NOL4L: variants seen among roughly 807,000 people sequenced by gnomAD.
NOL4L encodes nucleolar protein 4 like.
Under a neutral mutation model 64.5 loss-of-function variants are expected in NOL4L, and 7 were observed. That is an observed-to-expected ratio of 0.11 (90% confidence interval 0.06 to 0.20). The LOEUF (loss-of-function observed/expected upper bound fraction) is 0.20. Among genes scored for constraint, NOL4L ranks in the 10% least tolerant of loss-of-function variants. The probability of loss-of-function intolerance (pLI) is 1.00; values close to 1 mark genes in which losing one functional copy is unlikely to be tolerated. For synonymous variants in NOL4L, 413 were observed against 401.0 expected (o/e 1.03, Z -0.36); for missense variants, 680 against 967.1 (o/e 0.70, Z 3.94).
At position 32,447,111 on chromosome 20, in the gene NOL4L, A is replaced by C. The variant is rs1289943421; in HGVS notation, c.*485T>G. 2.4e-6 allele frequency: 1 copy of C among 410,010 alleles called. No individual in the cohort carries two copies. Among genetic ancestry groups the C allele is most frequent in the African/African-American group, 2.1e-5 (1 of 48,642 alleles). 25.4% of individuals were successfully genotyped at this position (410,010 alleles called of 1,614,324 possible). On this transcript the variant is annotated 3_prime_UTR_variant, in exon 11 of 11. Transcript: ENST00000621426. ...TGGGGATACATCCTTCTGATCAGAC[A>C]GACACAGACTAGCAATCTGTACAAA... is the stretch of plus-strand genomic sequence containing the variant.
At chr20:32,528,714 G>C (rs2018234374) in intron 1 of NOL4L, among the ~76,000 whole-genome samples, 1 of 152,362 alleles carries the variant, frequency 6.6e-6, no homozygotes, top group South Asian at 2.1e-4. Flanking sequence ...GAGGCTGGGG[G>C]TGAGGCCAGG....
chr20:32,474,297 C>T (rs2015232879), intron 5 of NOL4L, among the ~76,000 whole-genome samples: 1 of 152,264 alleles, frequency 6.6e-6, no homozygotes, highest in Non-Finnish European at 1.5e-5. Flanking sequence ...CCCCTGGTAA[C>T]TCTGAAACCC....
chr20:32,526,921 T>C (rs2018153497), intron 2 of NOL4L, among the ~76,000 whole-genome samples: 2 of 152,164 alleles, frequency 1.3e-5, no homozygotes, highest in Non-Finnish European at 2.9e-5. Context: ...AGGAGATGGA[T>C]CAGAACACAG....
chr20:32,536,894 G>T (rs974134195), intron 1 of NOL4L, among the ~76,000 whole-genome samples: 1 of 148,572 alleles, frequency 6.7e-6, no homozygotes, highest in African/African-American at 2.5e-5. Context: ...GGGCCAGGGC[G>T]GCTGGCCTCC....
At chr20:32,482,286 G>A (rs1362075942) in intron 4 of NOL4L, among the ~76,000 whole-genome samples, 2 of 151,960 alleles carry the variant, frequency 1.3e-5, no homozygotes, top group African/African-American at 2.4e-5. Flanking sequence ...GAATGGGGAG[G>A]AGGGGGTGGG....
Position 32,517,750 on chromosome 20 carries a change from G to A in NOL4L, c.589+3061C>T, listed in dbSNP as rs185866998. Among the ~76,000 whole-genome samples the A allele has an allele frequency of 2.2e-4, 34 of 152,344 alleles. No homozygotes were observed. The East Asian group carries it at 3.5e-3, about 16-fold the overall frequency. ...GTCTGGGCACCGTAGGCCACGACACGGGCTGGAGGCAGGAGGCAGGGTGAT... is the reference window on the plus strand; with the variant it reads ...GTCTGGGCACCGTAGGCCACGACACAGGCTGGAGGCAGGAGGCAGGGTGAT... On this transcript the variant is annotated intron_variant, in intron 3 of 10. Transcript: ENST00000621426.
chr20:32,521,967 G>T (rs771420445), intron 2 of NOL4L, among the ~76,000 whole-genome samples: 4 of 152,272 alleles, frequency 2.6e-5, no homozygotes, highest in Non-Finnish European at 4.4e-5. Context: ...AGGGTGAGGG[G>T]CTGCTCTGCG....
At position 32,562,819 on chromosome 20, in the gene NOL4L, C is replaced by G. The variant is rs560084672; in HGVS notation, c.321+21751G>C. 1.5e-3 allele frequency among the ~76,000 whole-genome samples: 219 copies of G among 150,822 alleles called. 1 individual carries two copies. Among genetic ancestry groups the G allele is most frequent in the African/African-American group, 5.2e-3 (212 of 40,954 alleles). ...CAGGAGGGGCCTTTCCCTGATCACCCCAAGCCACAGGCTGACAGCCCTTCC... is the reference window on the plus strand; with the variant it reads ...CAGGAGGGGCCTTTCCCTGATCACCGCAAGCCACAGGCTGACAGCCCTTCC... On this transcript the variant is annotated intron_variant, in intron 1 of 10. Coordinates refer to ENST00000621426, the MANE Select transcript of NOL4L (RefSeq NM_001256798.2).
At chr20:32,529,609 C>T (rs1051175368) in intron 1 of NOL4L, among the ~76,000 whole-genome samples, 2 of 152,190 alleles carry the variant, frequency 1.3e-5, no homozygotes, top group African/African-American at 4.8e-5. Flanking sequence ...CACCAGCAGC[C>T]CATTCAAGAG....
At chr20:32,513,604 T>C (rs1322988608) in intron 3 of NOL4L, among the ~76,000 whole-genome samples, 1 of 152,206 alleles carries the variant, frequency 6.6e-6, no homozygotes, top group Non-Finnish European at 1.5e-5. Context: ...GGCTCACGCA[T>C]GTAATCCCAG....
intron 2 of NOL4L, among the ~76,000 whole-genome samples, chr20:32,522,980 T>A (rs2017998017): frequency 6.6e-6 from 1 of 151,918 alleles, no homozygotes; most frequent in Admixed American, 6.6e-5. Context: ...GCTCAGGGGG[T>A]CCTCCTGGCC....
chr20:32,476,324 A>G (rs1032449465), intron 4 of NOL4L, among the ~76,000 whole-genome samples: 5 of 151,734 alleles, frequency 3.3e-5, no homozygotes, highest in Non-Finnish European at 7.4e-5. Context: ...GGGGAGGGGG[A>G]AGAGAGGCTG....
Position 32,487,937 on chromosome 20 carries a change from T to TA in NOL4L, c.700-13196_700-13195insT, listed in dbSNP as rs1555796300. On this transcript the variant is annotated intron_variant, in intron 4 of 10. Coordinates refer to ENST00000621426, the MANE Select transcript of NOL4L (RefSeq NM_001256798.2). ...ACAGTTTTTGTTTGTTGGTTTTATT[T>TA]TTTTTTTTTTTTGACCAAATCTTGC... 7.6e-3 allele frequency among the ~76,000 whole-genome samples: 991 copies of TA among 129,764 alleles called. 11 individuals are homozygous for TA. The highest frequency in any genetic ancestry group is 0.024 in the African/African-American group (647 of 27,094). The allele number at this position is 129,764 out of a possible 152,430, so 85.1% of individuals were successfully genotyped here. A position where few individuals can be genotyped will look rare whatever the true frequency, so the allele number is the denominator to read the frequency against.
At chr20:32,535,743 G>T in intron 1 of NOL4L, 1 of 985,492 alleles carries the variant, frequency 1.0e-6, no homozygotes, top group African/African-American at 1.7e-5. Context: ...ACTCTGGGAT[G>T]TCTGGAATGG....
chr20:32,554,147 C>T (rs1003677831), intron 1 of NOL4L, among the ~76,000 whole-genome samples: 22 of 151,850 alleles, frequency 1.4e-4, no homozygotes, highest in East Asian at 5.8e-4. Flanking sequence ...GGTGAAACCC[C>T]GTCTCTACTA....
chr20:32,502,560 G>C (rs1039878318), intron 4 of NOL4L, among the ~76,000 whole-genome samples: 4 of 150,934 alleles, frequency 2.7e-5, no homozygotes, highest in African/African-American at 7.3e-5. Context: ...CTACACTCCA[G>C]CCTAGGTGAC....
intron 1 of NOL4L, among the ~76,000 whole-genome samples, chr20:32,571,262 A>C (rs1278235290): frequency 6.6e-6 from 1 of 152,166 alleles, no homozygotes; most frequent in African/African-American, 2.4e-5. Flanking sequence ...ATCTTGGCTC[A>C]TTGCAACCTC....
intron 1 of NOL4L, among the ~76,000 whole-genome samples, chr20:32,583,050 CT>C (rs1980586063): frequency 6.6e-6 from 1 of 152,184 alleles, no homozygotes; most frequent in African/African-American, 2.4e-5. Flanking sequence ...CAGCTTCCCC[CT>C]CGGGGAGCCC....
intron 1 of NOL4L, among the ~76,000 whole-genome samples, chr20:32,540,577 T>C (rs2018637219): frequency 1.3e-5 from 2 of 152,114 alleles, no homozygotes; most frequent in Admixed American, 1.3e-4. Context: ...CAAATCCTTT[T>C]TGAGGGTCTT....
Sources: gnomAD v4.1 joint callset for allele counts (sites outside exome capture counted in the v4.1 genomes callset) on GRCh38, gnomAD v4.1.1 for gene constraint, MANE v1.5 for transcripts, NCBI Gene and HGNC (gene_info 2026-07-23, HGNC 2026-07-21) for gene names.